DIP2C: variants seen among roughly 807,000 people sequenced by gnomAD.
DIP2C encodes the protein DIP2 acetate--CoA ligase C (putative), also known as disco-interacting protein 2 homolog C.
DIP2C carries 33 observed loss-of-function variants against 192.4 expected under a neutral mutation model. The observed-to-expected ratio is 0.17, with a 90% CI of 0.13 to 0.23. DIP2C has a LOEUF of 0.23. DIP2C is among the 10% of genes least tolerant of loss of function. The pLI, the probability that DIP2C is intolerant of heterozygous loss-of-function variation, is 1.00. For missense variants in DIP2C, 1,537 were observed against 2,110.1 expected (o/e 0.73, Z 5.32); for synonymous variants, 979 against 864.1 (o/e 1.13, Z -2.33).
At chr10:336,121 C>T (rs1413592732) in intron 29 of DIP2C, among the ~76,000 whole-genome samples, 1 of 152,126 alleles carries the variant, frequency 6.6e-6, no homozygotes, top group African/African-American at 2.4e-5. Flanking sequence ...ATAATTCCAA[C>T]ACTTTGGGAG....
At position 390,383 on chromosome 10, in the gene DIP2C, A is replaced by C. The variant is rs750170195; in HGVS notation, c.1385-10T>G. The C allele has an allele frequency of 1.2e-4, 188 of 1,612,054 alleles. No individual in the cohort carries two copies. The highest frequency in any genetic ancestry group is 1.5e-4 in the Non-Finnish European group (177 of 1,178,470). ...AGCAGCTTTGGCCAACCTTGGAAATAAACAACAAGTTCCTTTTAAATGTTA... is the reference window on the plus strand; with the variant it reads ...AGCAGCTTTGGCCAACCTTGGAAATCAACAACAAGTTCCTTTTAAATGTTA... On this transcript the variant is annotated splice_polypyrimidine_tract_variant and intron_variant, in intron 11 of 36. Coordinates refer to ENST00000280886, the MANE Select transcript of DIP2C (RefSeq NM_014974.3).
chr10:674,441 A>G (rs1425654584), intron 1 of DIP2C, among the ~76,000 whole-genome samples: 2 of 152,172 alleles, frequency 1.3e-5, no homozygotes, highest in African/African-American at 4.8e-5. Flanking sequence ...ACCCAACAAC[A>G]AAGCACCCAG....
At chr10:608,194 G>C (rs1212986130) in intron 1 of DIP2C, among the ~76,000 whole-genome samples, 1 of 24,328 alleles carries the variant, frequency 4.1e-5, no homozygotes, top group East Asian at 1.7e-3. Context: ...CACACACACA[G>C]CCCCAACACA....
At chr10:674,787 TATAGAG>T (rs1236589345) in intron 1 of DIP2C, among the ~76,000 whole-genome samples, 4 of 81,580 alleles carry the variant, frequency 4.9e-5, no homozygotes, top group African/African-American at 1.4e-4. Flanking sequence ...TATATATATA[TATAGAG>T]AGAGAGAGAG....
intron 31 of DIP2C, among the ~76,000 whole-genome samples, chr10:313,838 C>A (rs543082567): frequency 6.6e-6 from 1 of 152,222 alleles, no homozygotes; most frequent in Admixed American, 6.5e-5. Flanking sequence ...AGACTCACAC[C>A]CCAAATATCA....
In DIP2C at chr10:387,890, C is replaced by A. The variant is rs1419267306; in HGVS notation, c.1598-81G>T. On this transcript the variant is annotated intron_variant, in intron 13 of 36. Transcript: ENST00000280886. Reference sequence around the variant, plus strand: ...AAAATGCAAACAAAATCCAATATTGCATCAGGGGAAATAACAGATCTTGGG... The same window carrying A: ...AAAATGCAAACAAAATCCAATATTGAATCAGGGGAAATAACAGATCTTGGG... The A allele has an allele frequency of 2.7e-5, 37 of 1,373,746 alleles. No individual in the cohort carries two copies. The South Asian group carries it at 4.3e-4, about 16-fold the overall frequency. The allele number at this position is 1,373,746 out of a possible 1,614,324, so 85.1% of individuals were successfully genotyped here. A position where few individuals can be genotyped will look rare whatever the true frequency, so the allele number is the denominator to read the frequency against.
chr10:682,234 C>T (rs548671546), intron 1 of DIP2C, among the ~76,000 whole-genome samples: 1 of 152,350 alleles, frequency 6.6e-6, no homozygotes, highest in East Asian at 1.9e-4. Flanking sequence ...ACTGGGGCCT[C>T]TCCAGCAGAA....
At chr10:625,385 T>C (rs935807338) in intron 1 of DIP2C, among the ~76,000 whole-genome samples, 5 of 152,212 alleles carry the variant, frequency 3.3e-5, no homozygotes, top group African/African-American at 1.2e-4. Context: ...AGCCGATTCC[T>C]AAATTAAACA....
intron 26 of DIP2C, among the ~76,000 whole-genome samples, chr10:347,848 G>T (rs12777289): frequency 0.053 from 829 of 15,508 alleles, 43 homozygotes; most frequent in Non-Finnish European, 0.072. Context: ...AACCCCACAC[G>T]CACCCAGACG....
intron 1 of DIP2C, among the ~76,000 whole-genome samples, chr10:574,028 A>AG: frequency 6.6e-6 from 1 of 152,174 alleles, no homozygotes; most frequent in East Asian, 1.9e-4. Context: ...TCTTCTACTC[A>AG]AATTAAGTAT....
At chr10:607,828 T>C (rs1022773606) in intron 1 of DIP2C, among the ~76,000 whole-genome samples, 3 of 151,996 alleles carry the variant, frequency 2.0e-5, no homozygotes, top group Non-Finnish European at 4.4e-5. Context: ...AAACTAAAAT[T>C]AGTTTAACAA....
intron 21 of DIP2C, 25 bp from the exon 22 acceptor site, chr10:362,716 C>A (rs1959681927): frequency 1.3e-6 from 2 of 1,584,372 alleles, no homozygotes; most frequent in African/African-American, 1.4e-5. Flanking sequence ...AAGAGGAAAT[C>A]ATGTTATAAG....
chr10:308,208 G>C (rs1956414476), intron 32 of DIP2C, among the ~76,000 whole-genome samples: 1 of 152,234 alleles, frequency 6.6e-6, no homozygotes, highest in African/African-American at 2.4e-5. Flanking sequence ...AAGATGTCTG[G>C]CATCCGAGGA....
At chr10:577,309 A>G (rs916828234) in intron 1 of DIP2C, among the ~76,000 whole-genome samples, 2 of 152,352 alleles carry the variant, frequency 1.3e-5, no homozygotes, top group Non-Finnish European at 1.5e-5. Context: ...ATTAGCAAAA[A>G]TTTAGAGGAA....
At chr10:552,135 A>C (rs1848625307) in intron 1 of DIP2C, among the ~76,000 whole-genome samples, 1 of 152,232 alleles carries the variant, frequency 6.6e-6, no homozygotes, top group Non-Finnish European at 1.5e-5. Flanking sequence ...TAACTGACGG[A>C]GGCTGTCGAT....
chr10:564,922 C>CA (rs1384075392), intron 1 of DIP2C, among the ~76,000 whole-genome samples: 5 of 152,218 alleles, frequency 3.3e-5, no homozygotes, highest in African/African-American at 1.2e-4. Flanking sequence ...GTTTGTCAAT[C>CA]ACCTTTACAA....
intron 1 of DIP2C, among the ~76,000 whole-genome samples, chr10:518,682 G>A (rs1846513981): frequency 6.6e-6 from 1 of 152,182 alleles, no homozygotes; most frequent in South Asian, 2.1e-4. Context: ...AGAACTGTGA[G>A]AAACAAATTC....
intron 1 of DIP2C, among the ~76,000 whole-genome samples, chr10:600,893 TAAGTTGAACTTAGGTTTTCCA>T (rs137925116): frequency 0.12 from 17,601 of 152,190 alleles, 1,672 homozygotes; most frequent in African/African-American, 0.26. Flanking sequence ...GTTGGATAAT[TAAGTTGAACTTAGGTTTTCCA>T]AAGCTTGTTA....
intron 31 of DIP2C, among the ~76,000 whole-genome samples, chr10:318,982 G>A (rs1186137156): frequency 6.6e-6 from 1 of 150,768 alleles, no homozygotes. Flanking sequence ...GCACGATCTC[G>A]GCTCACTGCA....
Sources: allele counts gnomAD v4.1 joint callset (sites outside exome capture counted in the v4.1 genomes callset), GRCh38; gene constraint gnomAD v4.1.1; transcripts MANE v1.5; gene names NCBI Gene and HGNC (gene_info 2026-07-23, HGNC 2026-07-21).